The following PRKG1 variants were observed in gnomAD, a reference collection of about 807,000 sequenced individuals.
The protein encoded by PRKG1 is protein kinase cGMP-dependent 1.
Under a neutral mutation model 88.1 loss-of-function variants are expected in PRKG1, and 35 were observed. That is an observed-to-expected ratio of 0.40 (90% confidence interval 0.30 to 0.53). The LOEUF (loss-of-function observed/expected upper bound fraction) is 0.53. PRKG1 is among the 20% of genes least tolerant of loss of function. The pLI, the probability that PRKG1 is intolerant of heterozygous loss-of-function variation, is 0.59. For missense variants in PRKG1, 540 were observed against 839.8 expected (o/e 0.64, Z 4.41); for synonymous variants, 303 against 292.5 (o/e 1.04, Z -0.37).
intron 7 of PRKG1, among the ~76,000 whole-genome samples, chr10:52,126,774 A>G (rs1480519300): frequency 2.0e-5 from 3 of 152,220 alleles, no homozygotes; most frequent in African/African-American, 7.2e-5. Context: ...GTGCACAGGC[A>G]TGGACAGAAT....
At chr10:51,319,200 C>T (rs548314967) in intron 2 of PRKG1, among the ~76,000 whole-genome samples, 2 of 152,198 alleles carry the variant, frequency 1.3e-5, no homozygotes, top group Admixed American at 6.5e-5. Context: ...GCAGCTATTA[C>T]AAACTAGTTA....
At chr10:52,196,058 G>A (rs1839495904) in intron 9 of PRKG1, among the ~76,000 whole-genome samples, 1 of 152,066 alleles carries the variant, frequency 6.6e-6, no homozygotes, top group African/African-American at 2.4e-5. Flanking sequence ...TGTTGCCCAG[G>A]TTGGAGTGCA....
At chr10:51,426,541 A>G (rs1838591149) in intron 2 of PRKG1, among the ~76,000 whole-genome samples, 2 of 152,206 alleles carry the variant, frequency 1.3e-5, no homozygotes, top group African/African-American at 4.8e-5. Flanking sequence ...ATAGAGAGAT[A>G]TCACTAAAAT....
chr10:51,998,283 T>C (rs1844503334), intron 5 of PRKG1, among the ~76,000 whole-genome samples: 1 of 152,216 alleles, frequency 6.6e-6, no homozygotes, highest in Admixed American at 6.5e-5. Flanking sequence ...GTGATTATAC[T>C]GTCCATGACA....
intron 2 of PRKG1, among the ~76,000 whole-genome samples, chr10:51,209,172 T>G (rs1184093418): frequency 6.6e-6 from 1 of 151,756 alleles, no homozygotes; most frequent in African/African-American, 2.4e-5. Context: ...TGTTGGCAAA[T>G]GGACAAAAGC....
At chr10:51,537,299 T>C (rs924672931) in intron 3 of PRKG1, among the ~76,000 whole-genome samples, 2 of 152,210 alleles carry the variant, frequency 1.3e-5, no homozygotes, top group African/African-American at 4.8e-5. Flanking sequence ...TTTTAGTAAA[T>C]GAATGAGAAA....
intron 5 of PRKG1, among the ~76,000 whole-genome samples, chr10:51,946,397 T>C (rs1183716081): frequency 6.6e-6 from 1 of 152,046 alleles, no homozygotes; most frequent in African/African-American, 2.4e-5. Flanking sequence ...TCTTTGCCTT[T>C]GGTTTGAATT....
chr10:51,731,542 C>T (rs145627088), intron 3 of PRKG1, among the ~76,000 whole-genome samples: 3 of 152,084 alleles, frequency 2.0e-5, no homozygotes, highest in East Asian at 1.9e-4. Flanking sequence ...TTAAAATATT[C>T]GGGACTTCCA....
chr10:51,452,806 AG>A (rs2132775219), intron 2 of PRKG1, among the ~76,000 whole-genome samples: 1 of 152,126 alleles, frequency 6.6e-6, no homozygotes, highest in African/African-American at 2.4e-5. Flanking sequence ...TTGGCTTCAT[AG>A]AATGATTTGG....
intron 5 of PRKG1, among the ~76,000 whole-genome samples, chr10:52,037,115 GA>G (rs1351222818): frequency 6.6e-6 from 1 of 152,256 alleles, no homozygotes; most frequent in Non-Finnish European, 1.5e-5. Flanking sequence ...GCTGCCAGGT[GA>G]GTTGAACAGT....
chr10:51,464,747 C>T (rs887944845), intron 2 of PRKG1, among the ~76,000 whole-genome samples: 3 of 150,762 alleles, frequency 2.0e-5, no homozygotes, highest in African/African-American at 2.4e-5. Flanking sequence ...AAAAATTAGC[C>T]GGGCGTAGTG....
At chr10:51,637,483 G>A (rs1313707699) in intron 3 of PRKG1, among the ~76,000 whole-genome samples, 2 of 152,156 alleles carry the variant, frequency 1.3e-5, no homozygotes, top group African/African-American at 4.8e-5. Flanking sequence ...GTTCATTGCA[G>A]TATTATTCAC....
chr10:52,077,408 G>A (rs1047951239), intron 7 of PRKG1, among the ~76,000 whole-genome samples: 4 of 152,082 alleles, frequency 2.6e-5, no homozygotes, highest in Admixed American at 2.6e-4. Flanking sequence ...TGTCACCATA[G>A]ATTAGTTGCC....
chr10:51,450,639 T>G (rs1839407933), intron 2 of PRKG1, among the ~76,000 whole-genome samples: 1 of 151,958 alleles, frequency 6.6e-6, no homozygotes, highest in African/African-American at 2.4e-5. Context: ...AGAATATATA[T>G]GGAAAATCTA....
chr10:51,950,531 A>G (rs1843157515), intron 5 of PRKG1, among the ~76,000 whole-genome samples: 1 of 152,250 alleles, frequency 6.6e-6, no homozygotes, highest in Admixed American at 6.5e-5. Flanking sequence ...GGAAGGGAGC[A>G]CGTGAGTGAG....
intron 3 of PRKG1, among the ~76,000 whole-genome samples, chr10:51,499,485 A>G (rs1053769301): frequency 6.6e-6 from 1 of 152,212 alleles, no homozygotes; most frequent in Non-Finnish European, 1.5e-5. Context: ...CTTAAAAGGG[A>G]ATTTTATATC....
chr10:51,771,830 G>A (rs1434789998), intron 3 of PRKG1, among the ~76,000 whole-genome samples: 1 of 152,048 alleles, frequency 6.6e-6, no homozygotes, highest in Non-Finnish European at 1.5e-5. Flanking sequence ...TATCTGCCCA[G>A]CTTGCAGAAA....
chr10:51,649,854 T>C (rs1839997782), intron 3 of PRKG1, among the ~76,000 whole-genome samples: 1 of 152,152 alleles, frequency 6.6e-6, no homozygotes, highest in African/African-American at 2.4e-5. Context: ...TCAGTCTGAT[T>C]GGTTGCAGAA....
At chr10:52,233,982 G>A (rs1055212849) in intron 9 of PRKG1, among the ~76,000 whole-genome samples, 10 of 152,016 alleles carry the variant, frequency 6.6e-5, no homozygotes, top group Non-Finnish European at 1.5e-4. Flanking sequence ...CCGGCAGACT[G>A]CCTCCTCAAG....
Sources: allele counts gnomAD v4.1 joint callset (sites outside exome capture counted in the v4.1 genomes callset), GRCh38; gene constraint gnomAD v4.1.1; transcripts MANE v1.5; gene names NCBI Gene and HGNC (gene_info 2026-07-23, HGNC 2026-07-21).